The following MOB1A variants were observed in gnomAD, a reference collection of about 807,000 sequenced individuals.
The protein encoded by MOB1A is MOB1 Mps One Binder homolog A.
MOB1A carries 10 observed loss-of-function variants against 25.1 expected under a neutral mutation model. The observed-to-expected ratio is 0.40, with a 90% CI of 0.25 to 0.68. The LOEUF (loss-of-function observed/expected upper bound fraction) is 0.68, where lower values mean the gene tolerates loss of function less well. MOB1A is among the 30% of genes least tolerant of loss of function. The pLI, the probability that MOB1A is intolerant of heterozygous loss-of-function variation, is 0.40. For synonymous variants in MOB1A, 81 were observed against 79.5 expected (o/e 1.02, Z -0.10); for missense variants, 177 against 256.3 (o/e 0.69, Z 2.11).
At chr2:74,160,179 G>T (rs573987258) in intron 4 of MOB1A, among the ~76,000 whole-genome samples, 1 of 152,222 alleles carries the variant, frequency 6.6e-6, no homozygotes, top group Admixed American at 6.5e-5. Flanking sequence ...TTTGTAATTT[G>T]TAACTCTAAA....
intron 5 of MOB1A, among the ~76,000 whole-genome samples, chr2:74,158,555 C>T (rs372312232): frequency 1.1e-3 from 169 of 151,920 alleles, no homozygotes; most frequent in African/African-American, 4.0e-3. Context: ...TTTGGGAGGC[C>T]GAGGTGGGTG....
At chr2:74,176,433 A>G (rs1693467995) in intron 1 of MOB1A, among the ~76,000 whole-genome samples, 1 of 151,830 alleles carries the variant, frequency 6.6e-6, no homozygotes, top group African/African-American at 2.4e-5. Context: ...TCTAGAATGT[A>G]TAAAGAAGTC....
At chr2:74,173,606 T>A (rs749262485) in intron 1 of MOB1A, among the ~76,000 whole-genome samples, 24 of 151,218 alleles carry the variant, frequency 1.6e-4, no homozygotes, top group Non-Finnish European at 3.2e-4. Context: ...GGTGTCGAAC[T>A]CCTGACCTCA....
chr2:74,174,648 C>T (rs11885008), intron 1 of MOB1A, among the ~76,000 whole-genome samples: 2 of 152,092 alleles, frequency 1.3e-5, no homozygotes, highest in Non-Finnish European at 2.9e-5. Flanking sequence ...AGTCTTCCTG[C>T]ACAAAACTCA....
At chr2:74,175,151 T>C (rs1208170894) in intron 1 of MOB1A, among the ~76,000 whole-genome samples, 1 of 152,182 alleles carries the variant, frequency 6.6e-6, no homozygotes, top group East Asian at 1.9e-4. Flanking sequence ...TGAACACTAC[T>C]GTGAACTGTG....
intron 1 of MOB1A, 48 bp downstream of exon 1, chr2:74,178,613 C>A (rs778384951): frequency 4.2e-5 from 57 of 1,361,468 alleles, no homozygotes; most frequent in Admixed American, 1.0e-4. Context: ...AGGCCTCCCC[C>A]ACAACCTCGG....
At chr2:74,174,838 TAAG>T (rs1693404341) in intron 1 of MOB1A, among the ~76,000 whole-genome samples, 1 of 152,216 alleles carries the variant, frequency 6.6e-6, no homozygotes, top group Admixed American at 6.5e-5. Context: ...AAAAATAGGC[TAAG>T]GAGATGAATA....
intron 1 of MOB1A, among the ~76,000 whole-genome samples, chr2:74,176,317 TGAA>T (rs1216499186): frequency 1.6e-5 from 2 of 123,678 alleles, no homozygotes; most frequent in Non-Finnish European, 1.7e-5. Flanking sequence ...AAAAGAATGA[TGAA>T]AACACTAAAA....
intron 1 of MOB1A, among the ~76,000 whole-genome samples, chr2:74,175,076 T>C (rs1314976750): frequency 6.6e-6 from 1 of 152,214 alleles, no homozygotes. Flanking sequence ...TCCCCATTGC[T>C]GGCATTACCA....
intron 5 of MOB1A, among the ~76,000 whole-genome samples, chr2:74,158,213 A>AG (rs1692858074): frequency 6.6e-6 from 1 of 151,500 alleles, no homozygotes; most frequent in South Asian, 2.1e-4. Context: ...AAAAAAAAAA[A>AG]AGAAACTACC....
At chr2:74,171,527 A>G (rs1021884859) in intron 2 of MOB1A, among the ~76,000 whole-genome samples, 2 of 152,186 alleles carry the variant, frequency 1.3e-5, no homozygotes, top group Non-Finnish European at 1.5e-5. Context: ...TCACAAACTG[A>G]TATTTGTTGG....
intron 2 of MOB1A, among the ~76,000 whole-genome samples, chr2:74,169,759 G>T (rs1253249074): frequency 6.6e-6 from 1 of 151,842 alleles, no homozygotes; most frequent in African/African-American, 2.4e-5. Flanking sequence ...CTCCTCAGTA[G>T]CTGGGATTAC....
At chr2:74,167,758 C>T (rs1693173069) in intron 2 of MOB1A, among the ~76,000 whole-genome samples, 1 of 152,120 alleles carries the variant, frequency 6.6e-6, no homozygotes, top group Non-Finnish European at 1.5e-5. Context: ...AGGTCTACAG[C>T]ATACTGAGGA....
At chr2:74,174,971 G>A (rs115017233) in intron 1 of MOB1A, among the ~76,000 whole-genome samples, 1 of 152,290 alleles carries the variant, frequency 6.6e-6, no homozygotes, top group African/African-American at 2.4e-5. Flanking sequence ...TGTGGACTAG[G>A]GTAGGGGCCC....
intron 5 of MOB1A, 152 bp downstream of exon 5, chr2:74,158,935 AAAAT>A: frequency 1.3e-6 from 1 of 799,182 alleles, no homozygotes; most frequent in Non-Finnish European, 2.0e-6. Context: ...ACACATCAAT[AAAAT>A]AAATAATGTG....
chr2:74,161,483 A>C (rs1234109379), intron 4 of MOB1A, among the ~76,000 whole-genome samples: 1 of 152,012 alleles, frequency 6.6e-6, no homozygotes, highest in Non-Finnish European at 1.5e-5. Context: ...CTCTACTAAA[A>C]ATACAAAAAT....
At chr2:74,168,701 T>A (rs1693199923) in intron 2 of MOB1A, among the ~76,000 whole-genome samples, 1 of 152,232 alleles carries the variant, frequency 6.6e-6, no homozygotes, top group African/African-American at 2.4e-5. Flanking sequence ...CTAGGTATTT[T>A]CCAAGTTTCT....
intron 1 of MOB1A, among the ~76,000 whole-genome samples, chr2:74,173,906 A>G: frequency 7.3e-6 from 1 of 136,792 alleles, no homozygotes; most frequent in Non-Finnish European, 1.5e-5. Flanking sequence ...TCGAGATCGC[A>G]CCACTGCACT....
At chr2:74,171,225 T>C (rs921592475) in intron 2 of MOB1A, among the ~76,000 whole-genome samples, 2 of 149,974 alleles carry the variant, frequency 1.3e-5, no homozygotes, top group African/African-American at 4.9e-5. Flanking sequence ...GAGGTGGAGG[T>C]TGCAGTGAGC....
Sources: gnomAD v4.1 joint callset for allele counts (sites outside exome capture counted in the v4.1 genomes callset) on GRCh38, gnomAD v4.1.1 for gene constraint, MANE v1.5 for transcripts, NCBI Gene and HGNC (gene_info 2026-07-23, HGNC 2026-07-21) for gene names.